The following AGBL1 variants were observed in gnomAD, a reference collection of about 807,000 sequenced individuals.
The protein encoded by AGBL1 is AGBL carboxypeptidase 1.
AGBL1 carries 130 observed loss-of-function variants against 118.9 expected under a neutral mutation model. The ratio of observed to expected loss-of-function variants is 1.09; its 90% CI spans 0.95 to 1.26. AGBL1 has a LOEUF of 1.26. AGBL1 is among the 50% of genes most tolerant of loss of function. The pLI, the probability that AGBL1 is intolerant of heterozygous loss-of-function variation, is 0.00. For synonymous variants in AGBL1, 555 were observed against 478.9 expected (o/e 1.16, Z -2.08); for missense variants, 1,584 against 1,298.1 (o/e 1.22, Z -3.38).
chr15:86,663,286 C>G (rs1480010393), intron 21 of AGBL1, among the ~76,000 whole-genome samples: 1 of 152,222 alleles, frequency 6.6e-6, no homozygotes, highest in Non-Finnish European at 1.5e-5. Flanking sequence ...AGCTTCTGTT[C>G]TAATTGGTCG....
intron 18 of AGBL1, among the ~76,000 whole-genome samples, chr15:86,460,258 G>A (rs2082315146): frequency 7.7e-6 from 1 of 130,438 alleles, no homozygotes. Flanking sequence ...GCGGTGGGAG[G>A]ATTGCCTGAG....
intron 5 of AGBL1, among the ~76,000 whole-genome samples, chr15:86,162,580 C>A (rs1168840202): frequency 6.6e-6 from 1 of 152,194 alleles, no homozygotes; most frequent in Non-Finnish European, 1.5e-5. Context: ...TTCCCAAATA[C>A]CCACCATGCT....
intron 1 of AGBL1, among the ~76,000 whole-genome samples, chr15:86,134,787 T>C (rs2076866784): frequency 6.6e-6 from 1 of 151,640 alleles, no homozygotes; most frequent in Non-Finnish European, 1.5e-5. Context: ...TTAATTTTTT[T>C]AATTTTTAGG....
At chr15:86,116,949 T>C (rs1216133023) in intron 1 of AGBL1, among the ~76,000 whole-genome samples, 1 of 144,892 alleles carries the variant, frequency 6.9e-6, no homozygotes, top group East Asian at 1.9e-4. Context: ...TTCTTTTCTT[T>C]TCTTTTTTTT....
intron 5 of AGBL1, among the ~76,000 whole-genome samples, chr15:86,206,897 C>G (rs1422630128): frequency 6.6e-6 from 1 of 152,120 alleles, no homozygotes; most frequent in Non-Finnish European, 1.5e-5. Flanking sequence ...TGCCTGTGTC[C>G]TGATTGGTAT....
At chr15:86,586,179 C>A (rs1429467844) in intron 21 of AGBL1, among the ~76,000 whole-genome samples, 1 of 152,192 alleles carries the variant, frequency 6.6e-6, no homozygotes, top group Admixed American at 6.5e-5. Context: ...CTCTTGCTTA[C>A]TCTCTCATTC....
intron 18 of AGBL1, among the ~76,000 whole-genome samples, chr15:86,436,252 C>T (rs998697210): frequency 1.4e-4 from 21 of 151,874 alleles, no homozygotes; most frequent in Admixed American, 6.6e-5. Flanking sequence ...GAGGAAGTCT[C>T]ATCTCCTACC....
At chr15:86,701,109 T>G (rs1004574774) in intron 22 of AGBL1, among the ~76,000 whole-genome samples, 91 of 152,300 alleles carry the variant, frequency 6.0e-4, no homozygotes, top group African/African-American at 2.0e-3. Context: ...TCATTTGCAT[T>G]CCATTATCCA....
intron 22 of AGBL1, among the ~76,000 whole-genome samples, chr15:86,801,552 A>T (rs911803598): frequency 6.6e-6 from 1 of 152,106 alleles, no homozygotes; most frequent in African/African-American, 2.4e-5. Flanking sequence ...ATGAAGTCTC[A>T]TAAAGGAAGA....
intron 21 of AGBL1, among the ~76,000 whole-genome samples, chr15:86,657,248 C>G (rs1243944444): frequency 1.3e-5 from 2 of 152,278 alleles, no homozygotes; most frequent in East Asian, 3.9e-4. Context: ...ACAAGTGCCG[C>G]GGGCTGACTG....
chr15:86,577,318 T>C (rs2084106017), intron 21 of AGBL1, among the ~76,000 whole-genome samples: 1 of 152,058 alleles, frequency 6.6e-6, no homozygotes, highest in African/African-American at 2.4e-5. Context: ...ACTTTCAACT[T>C]GAGAGAGGTA....
At position 86,542,356 on chromosome 15, in the gene AGBL1, AT is replaced by A. The variant is rs71144054; in HGVS notation, c.2686-3619del. ...GTTTGTAGGGGATGCCACCATTGAGATTTTTTTTTTTTTTTTTTTTTTTTTT... is the reference window on the plus strand; with the variant it reads ...GTTTGTAGGGGATGCCACCATTGAGATTTTTTTTTTTTTTTTTTTTTTTTT... On this transcript the variant is annotated intron_variant, in intron 19 of 22. Transcript: ENST00000614907. 8.7e-3 allele frequency among the ~76,000 whole-genome samples: 1,007 copies of A among 116,242 alleles called. 4 individuals carry two copies. The highest frequency in any genetic ancestry group is 0.023 in the South Asian group (81 of 3,522). 76.3% of individuals were successfully genotyped at this position (116,242 alleles called of 152,430 possible).
At chr15:86,577,360 G>A (rs747286952) in intron 21 of AGBL1, among the ~76,000 whole-genome samples, 2 of 152,126 alleles carry the variant, frequency 1.3e-5, no homozygotes, top group Non-Finnish European at 2.9e-5. Context: ...AAATTTCCAA[G>A]CAGCAAAGCA....
At chr15:86,214,092 C>T (rs957259728) in intron 5 of AGBL1, among the ~76,000 whole-genome samples, 15 of 152,170 alleles carry the variant, frequency 9.9e-5, no homozygotes, top group Non-Finnish European at 2.1e-4. Context: ...AGCCTTGGTA[C>T]CGCATATGGC....
chr15:86,401,836 G>A (rs190710416), intron 18 of AGBL1, among the ~76,000 whole-genome samples: 199 of 152,270 alleles, frequency 1.3e-3, no homozygotes, highest in Non-Finnish European at 2.4e-3. Flanking sequence ...GCACCGTGCT[G>A]TTTTGGTAAC....
At chr15:86,481,467 T>C (rs1214762148) in intron 18 of AGBL1, among the ~76,000 whole-genome samples, 1 of 152,146 alleles carries the variant, frequency 6.6e-6, no homozygotes, top group Non-Finnish European at 1.5e-5. Flanking sequence ...ATTATTCTTA[T>C]AGCTTCTATC....
At chr15:86,719,920 C>T (rs1012636394) in intron 22 of AGBL1, among the ~76,000 whole-genome samples, 4 of 152,210 alleles carry the variant, frequency 2.6e-5, no homozygotes, top group African/African-American at 7.2e-5. Context: ...ACACTTCTTT[C>T]CAGCCTCTCT....
At chr15:86,836,321 A>G (rs1411877294) in intron 22 of AGBL1, among the ~76,000 whole-genome samples, 1 of 152,164 alleles carries the variant, frequency 6.6e-6, no homozygotes, top group Admixed American at 6.5e-5. Context: ...CTTAAGAGTT[A>G]AGATAACAAA....
At chr15:86,294,481 T>C (rs1480301205) in intron 16 of AGBL1, among the ~76,000 whole-genome samples, 1 of 150,256 alleles carries the variant, frequency 6.7e-6, no homozygotes. Context: ...TTTTTTTAAA[T>C]GAGTATTGGG....
Sources: gnomAD v4.1 joint callset for allele counts (sites outside exome capture counted in the v4.1 genomes callset) on GRCh38, gnomAD v4.1.1 for gene constraint, MANE v1.5 for transcripts, NCBI Gene and HGNC (gene_info 2026-07-23, HGNC 2026-07-21) for gene names.